Variants in LHX8 observed in about 807,000 individuals in gnomAD.
LHX8 encodes the protein LIM homeobox 8.
In LHX8, 12 loss-of-function variants were observed where a neutral mutation model predicts 40.3. The ratio of observed to expected loss-of-function variants is 0.30; its 90% confidence interval spans 0.19 to 0.48. The LOEUF (loss-of-function observed/expected upper bound fraction) is 0.48, where lower values mean the gene tolerates loss of function less well. Ranked by LOEUF, LHX8 falls within the 20% of genes least tolerant of loss-of-function variation. LHX8 has a pLI of 0.99. For synonymous variants in LHX8, 179 were observed against 162.0 expected (o/e 1.10, Z -0.80); for missense variants, 344 against 433.7 (o/e 0.79, Z 1.84).
chr1:75,131,498 G>A (rs185611428), upstream of LHX8: 73 of 152,666 alleles, frequency 4.8e-4, no homozygotes, highest in African/African-American at 1.7e-3. Context: ...AACGGCGCCT[G>A]CAGTGCGAGC....
chr1:75,179,403 A>T, the LHX8 span, among the ~76,000 whole-genome samples: 2 of 151,524 alleles, frequency 1.3e-5, no homozygotes, highest in Middle Eastern at 3.4e-3. Flanking sequence ...TCCTTGTTGA[A>T]TTGATCCCTT....
At chr1:75,166,207 T>A (rs116757381), downstream of LHX8, among the ~76,000 whole-genome samples, 2,795 of 152,328 alleles carry the variant, frequency 0.018, 85 homozygotes, top group African/African-American at 0.064. Context: ...GTGGAGCATC[T>A]ATGCTGCTAA....
intron 7 of LHX8, among the ~76,000 whole-genome samples, chr1:75,149,594 A>G (rs978350751): frequency 1.3e-5 from 2 of 152,182 alleles, no homozygotes; most frequent in Non-Finnish European, 2.9e-5. Context: ...TGGGTGGCCT[A>G]GGCTGGAGTG....
intron 8 of LHX8, 30 bp downstream of exon 8, chr1:75,157,106 C>T (rs1349666575): frequency 6.2e-7 from 1 of 1,604,044 alleles, no homozygotes; most frequent in Non-Finnish European, 8.5e-7. Context: ...ACAGCTGTCT[C>T]CCAGGCAATC....
At chr1:75,199,123 A>G in the LHX8 span, among the ~76,000 whole-genome samples, 2 of 152,200 alleles carry the variant, frequency 1.3e-5, no homozygotes, top group African/African-American at 4.8e-5. Flanking sequence ...TTATTTGCTT[A>G]ATTATTAGCT....
chr1:75,143,760 G>A (rs1648384232), intron 5 of LHX8, 85 bp from the exon 6 acceptor site: 3 of 1,012,890 alleles, frequency 3.0e-6, no homozygotes, highest in Admixed American at 1.8e-5. Flanking sequence ...TACACAAAAA[G>A]CCAAGAGATA....
downstream of LHX8, among the ~76,000 whole-genome samples, chr1:75,165,025 G>A (rs1649003213): frequency 6.6e-6 from 1 of 152,108 alleles, no homozygotes; most frequent in South Asian, 2.1e-4. Flanking sequence ...TGCCACTTTT[G>A]TGACTTTTTT....
At chr1:75,172,070 C>T in the LHX8 span, among the ~76,000 whole-genome samples, 4 of 152,166 alleles carry the variant, frequency 2.6e-5, no homozygotes, top group Non-Finnish European at 5.9e-5. Flanking sequence ...AAAGCTTCCC[C>T]CATCTTTCAT....
downstream of LHX8, among the ~76,000 whole-genome samples, chr1:75,165,647 G>A (rs1009601525): frequency 6.6e-6 from 1 of 152,106 alleles, no homozygotes; most frequent in Non-Finnish European, 1.5e-5. Flanking sequence ...AACAACATCT[G>A]TCTTGCTCTC....
At chr1:75,154,656 A>C (rs939911301) in intron 7 of LHX8, among the ~76,000 whole-genome samples, 24 of 152,098 alleles carry the variant, frequency 1.6e-4, no homozygotes, top group Non-Finnish European at 2.9e-5. Context: ...TAGTGTTAGT[A>C]GTGACATCTA....
chr1:75,182,070 G>C, the LHX8 span, among the ~76,000 whole-genome samples: 1 of 152,114 alleles, frequency 6.6e-6, no homozygotes, highest in South Asian at 2.1e-4. Flanking sequence ...TGAATTCTTT[G>C]CCTAAGCTAA....
At chr1:75,139,399 G>A (rs1557487006) in intron 3 of LHX8, among the ~76,000 whole-genome samples, 1 of 152,102 alleles carries the variant, frequency 6.6e-6, no homozygotes, top group African/African-American at 2.4e-5. Flanking sequence ...CTGGCTTTAG[G>A]AGGGAGTAAG....
intron 6 of LHX8, among the ~76,000 whole-genome samples, chr1:75,147,072 C>A (rs1164207894): frequency 6.6e-6 from 1 of 152,000 alleles, no homozygotes; most frequent in African/African-American, 2.4e-5. Flanking sequence ...AGGAAGATAC[C>A]AAAGTAACAC....
intron 7 of LHX8, among the ~76,000 whole-genome samples, chr1:75,152,102 G>T (rs1334465453): frequency 6.6e-6 from 1 of 152,204 alleles, no homozygotes; most frequent in African/African-American, 2.4e-5. Flanking sequence ...GAATTACTGT[G>T]ATCTCAAATA....
the LHX8 span, among the ~76,000 whole-genome samples, chr1:75,187,448 C>T: frequency 3.9e-5 from 6 of 152,054 alleles, no homozygotes; most frequent in African/African-American, 9.7e-5. Context: ...AAGACTTGTC[C>T]GCAGCATACA....
Position 75,156,570 on chromosome 1 carries a change from CA to C in LHX8, c.781-321del, listed in dbSNP as rs748445730. On this transcript the variant is annotated intron_variant, in intron 7 of 8. Transcript: ENST00000356261. ...TCCAATAGAGTTTAATAATTGCATT[CA>C]AGGGGTAACCTTAACGTTTGACCAA... is the stretch of plus-strand genomic sequence containing the variant. Among the ~76,000 whole-genome samples, 11 of 152,086 alleles carry C rather than the reference CA, an allele frequency of 7.2e-5. No homozygotes were observed. In the East Asian group the frequency reaches 7.7e-4, roughly 11 times the overall value.
At chr1:75,135,442 A>G (rs1472832165) in intron 1 of LHX8, among the ~76,000 whole-genome samples, 1 of 152,208 alleles carries the variant, frequency 6.6e-6, no homozygotes, top group East Asian at 1.9e-4. Flanking sequence ...ACGCGGCCTC[A>G]GTGCAGCTAC....
chr1:75,133,295 C>T (rs2100325209), upstream of LHX8, among the ~76,000 whole-genome samples: 1 of 151,658 alleles, frequency 6.6e-6, no homozygotes, highest in South Asian at 2.1e-4. Flanking sequence ...GTCCCAGACT[C>T]TTACACAGGC....
chr1:75,175,054 A>AT, the LHX8 span, among the ~76,000 whole-genome samples: 1 of 152,224 alleles, frequency 6.6e-6, no homozygotes, highest in African/African-American at 2.4e-5. Flanking sequence ...GAGTGAGAAC[A>AT]TAAGATGTTT....
Sources: gnomAD v4.1 joint callset for allele counts (sites outside exome capture counted in the v4.1 genomes callset) on GRCh38, gnomAD v4.1.1 for gene constraint, MANE v1.5 for transcripts, NCBI Gene and HGNC (gene_info 2026-07-23, HGNC 2026-07-21) for gene names.